ELAVL2: variants seen among roughly 807,000 people sequenced by gnomAD.
ELAVL2 encodes the protein ELAV-like protein 2.
In ELAVL2, 4 loss-of-function variants were observed where a neutral mutation model predicts 34.6. The ratio of observed to expected loss-of-function variants is 0.12; its 90% CI spans 0.06 to 0.26. The LOEUF (loss-of-function observed/expected upper bound fraction) is 0.26. Ranked by LOEUF, ELAVL2 falls within the 10% of genes least tolerant of loss-of-function variation. The probability of loss-of-function intolerance (pLI) is 1.00; values close to 1 mark genes in which losing one functional copy is unlikely to be tolerated. For missense variants in ELAVL2, 432 were observed against 442.8 expected (o/e 0.98, Z 0.22); for synonymous variants, 193 against 154.8 (o/e 1.25, Z -1.83).
At chr9:23,814,009 T>C (rs1273035669) in intron 1 of ELAVL2, among the ~76,000 whole-genome samples, 3 of 152,158 alleles carry the variant, frequency 2.0e-5, no homozygotes, top group Non-Finnish European at 4.4e-5. Context: ...AAATGTGGAC[T>C]CCATTGTTGT....
In ELAVL2 at chr9:23,810,401, TA is replaced by T. The variant is rs1429221022; in HGVS notation, c.-16+15404del. ...TGCTACAGGGACCACAGTGAAGCTT[TA>T]AAAAAAATTATAAAAATAAAAAATA... is the stretch of plus-strand genomic sequence containing the variant. On this transcript the variant is annotated intron_variant, in intron 1 of 6. Coordinates refer to ENST00000397312, the MANE Select transcript of ELAVL2 (RefSeq NM_004432.5). Among the ~76,000 whole-genome samples, 6 of 151,912 alleles carry T rather than the reference TA, an allele frequency of 3.9e-5. No homozygotes were observed. The East Asian group carries it at 9.7e-4, about 25-fold the overall frequency.
intron 2 of ELAVL2, among the ~76,000 whole-genome samples, chr9:23,744,345 A>C (rs1277032310): frequency 6.6e-6 from 1 of 152,236 alleles, no homozygotes; most frequent in African/African-American, 2.4e-5. Context: ...ATGTTTTACT[A>C]AATAACTAGT....
intron 1 of ELAVL2, among the ~76,000 whole-genome samples, chr9:23,769,010 T>A (rs2056836961): frequency 1.3e-5 from 2 of 151,828 alleles, no homozygotes; most frequent in African/African-American, 4.8e-5. Flanking sequence ...CTAAACAGAG[T>A]GAACTTGGTC....
At chr9:23,720,918 T>C (rs570385144) in intron 3 of ELAVL2, among the ~76,000 whole-genome samples, 99 of 152,270 alleles carry the variant, frequency 6.5e-4, no homozygotes, top group Non-Finnish European at 1.1e-3. Context: ...GGTTGGGGTG[T>C]AGAAATCTGC....
chr9:23,826,827 C>T (rs1312667060), upstream of ELAVL2, among the ~76,000 whole-genome samples: 1 of 152,028 alleles, frequency 6.6e-6, no homozygotes. Context: ...GCCCGCATGC[C>T]TTTTTTCGAT....
At chr9:23,718,178 A>G (rs2042785180) in intron 3 of ELAVL2, among the ~76,000 whole-genome samples, 1 of 152,140 alleles carries the variant, frequency 6.6e-6, no homozygotes, top group African/African-American at 2.4e-5. Context: ...TAAAAATAGG[A>G]TTCCTCAAAC....
intron 2 of ELAVL2, among the ~76,000 whole-genome samples, chr9:23,738,690 C>A (rs962951247): frequency 6.6e-6 from 1 of 152,180 alleles, no homozygotes; most frequent in Non-Finnish European, 1.5e-5. Context: ...CAGGACTTTA[C>A]AGATACATGG....
intron 5 of ELAVL2, among the ~76,000 whole-genome samples, chr9:23,696,757 A>ACC (rs1394719422): frequency 6.6e-6 from 1 of 152,148 alleles, no homozygotes; most frequent in Admixed American, 6.5e-5. Flanking sequence ...GGAGTGAGCC[A>ACC]CCACGCCCAG....
intron 1 of ELAVL2, chr9:23,821,852 G>A (rs1044902550): frequency 1.3e-5 from 2 of 151,458 alleles, no homozygotes; most frequent in Non-Finnish European, 2.9e-5. Flanking sequence ...CGTTTGTAGC[G>A]GGGCGGGAAG....
chr9:23,845,908 G>C, the ELAVL2 span, among the ~76,000 whole-genome samples: 6 of 151,778 alleles, frequency 4.0e-5, no homozygotes, highest in Non-Finnish European at 7.4e-5. Flanking sequence ...CTTCTCAGGT[G>C]AAAAGTGAAA....
At chr9:23,792,365 C>T (rs2060423199) in intron 1 of ELAVL2, among the ~76,000 whole-genome samples, 1 of 152,196 alleles carries the variant, frequency 6.6e-6, no homozygotes, top group Non-Finnish European at 1.5e-5. Context: ...AGCCACTGAA[C>T]CATGCCCCCT....
chr9:23,759,600 A>G (rs761653089), intron 2 of ELAVL2, among the ~76,000 whole-genome samples: 83 of 151,544 alleles, frequency 5.5e-4, no homozygotes, highest in Middle Eastern at 3.4e-3. Context: ...TGGAAATGCT[A>G]TAATACCCTG....
At chr9:23,759,522 GTA>G (rs1431466744) in intron 2 of ELAVL2, among the ~76,000 whole-genome samples, 1 of 151,414 alleles carries the variant, frequency 6.6e-6, no homozygotes, top group Non-Finnish European at 1.5e-5. Context: ...ATATTGTATA[GTA>G]TACTTCCAAA....
chr9:23,747,959 G>T (rs2050918131), intron 2 of ELAVL2, among the ~76,000 whole-genome samples: 1 of 152,062 alleles, frequency 6.6e-6, no homozygotes, highest in South Asian at 2.1e-4. Flanking sequence ...AACAGAATCT[G>T]AAATAATGCA....
chr9:23,786,802 A>AAC (rs1554747169), intron 1 of ELAVL2, among the ~76,000 whole-genome samples: 2 of 127,340 alleles, frequency 1.6e-5, no homozygotes, highest in East Asian at 4.8e-4. Flanking sequence ...AAAAAAAAAA[A>AAC]AGAGAGAGAG....
intron 3 of ELAVL2, among the ~76,000 whole-genome samples, chr9:23,713,124 G>C (rs567481417): frequency 1.5e-3 from 227 of 152,274 alleles, no homozygotes; most frequent in African/African-American, 5.2e-3. Context: ...AGTACAACTG[G>C]TACATAACTT....
At chr9:23,809,841 T>G (rs942201063) in intron 1 of ELAVL2, among the ~76,000 whole-genome samples, 1 of 152,076 alleles carries the variant, frequency 6.6e-6, no homozygotes, top group Non-Finnish European at 1.5e-5. Flanking sequence ...GACAGTAAAG[T>G]TGGAGAAACA....
intron 1 of ELAVL2, among the ~76,000 whole-genome samples, chr9:23,777,528 C>A (rs1443560973): frequency 1.3e-5 from 2 of 152,100 alleles, no homozygotes; most frequent in African/African-American, 2.4e-5. Flanking sequence ...AGGCTAAAAC[C>A]CAGGATTCAC....
chr9:23,723,449 G>C (rs868687648), intron 3 of ELAVL2, among the ~76,000 whole-genome samples: 1 of 151,864 alleles, frequency 6.6e-6, no homozygotes, highest in African/African-American at 2.4e-5. Context: ...AGCATTAGGA[G>C]ATATACCTAA....
Sources: gnomAD v4.1 joint callset for allele counts (sites outside exome capture counted in the v4.1 genomes callset) on GRCh38, gnomAD v4.1.1 for gene constraint, MANE v1.5 for transcripts, NCBI Gene and HGNC (gene_info 2026-07-23, HGNC 2026-07-21) for gene names.